The following CRACD variants were observed in gnomAD, a reference collection of about 807,000 sequenced individuals.
CRACD encodes capping protein-inhibiting regulator of actin dynamics.
CRACD carries 56 observed loss-of-function variants against 106.8 expected under a neutral mutation model. The observed-to-expected ratio is 0.52, with a 90% CI of 0.42 to 0.66. CRACD has a LOEUF of 0.66. Ranked by LOEUF, CRACD falls within the 30% of genes least tolerant of loss-of-function variation. CRACD has a pLI of 0.00. For synonymous variants in CRACD, 754 were observed against 670.8 expected (o/e 1.12, Z -1.92); for missense variants, 1,730 against 1,623.2 (o/e 1.07, Z -1.13).
chr4:56,180,004 G>A (rs1397896810), intron 2 of CRACD, among the ~76,000 whole-genome samples: 2 of 151,010 alleles, frequency 1.3e-5, no homozygotes, highest in Admixed American at 6.6e-5. Context: ...GCAATAGAGC[G>A]AGACTCTGTC....
At chr4:56,313,118 A>C in intron 6 of CRACD, 79 bp from the exon 7 acceptor site, 1 of 1,307,518 alleles carries the variant, frequency 7.6e-7, no homozygotes, top group South Asian at 1.3e-5. Context: ...CGCACACTGG[A>C]ACGAGTGCCA....
At chr4:56,199,200 G>A (rs749845168) in intron 2 of CRACD, among the ~76,000 whole-genome samples, 5 of 152,150 alleles carry the variant, frequency 3.3e-5, no homozygotes, top group Non-Finnish European at 5.9e-5. Context: ...ACTTAAATGA[G>A]ATGTTGCCCA....
intron 8 of CRACD, among the ~76,000 whole-genome samples, chr4:56,322,464 C>T (rs1006628579): frequency 1.3e-5 from 2 of 152,208 alleles, no homozygotes; most frequent in African/African-American, 4.8e-5. Context: ...ACAAGAAAAA[C>T]AGAGACGGAA....
At chr4:56,248,322 C>T (rs17086524) in intron 2 of CRACD, among the ~76,000 whole-genome samples, 13,958 of 152,126 alleles carry the variant, frequency 0.092, 1,721 homozygotes, top group East Asian at 0.55. Flanking sequence ...CCGCTCATAC[C>T]TGGAAGACTC....
chr4:56,096,875 A>G (rs957223897), intron 1 of CRACD, among the ~76,000 whole-genome samples: 1 of 152,226 alleles, frequency 6.6e-6, no homozygotes, highest in African/African-American at 2.4e-5. Context: ...GTAATGTGGA[A>G]CAGAGAAGTG....
chr4:56,306,737 A>G (rs1378615346), intron 4 of CRACD, among the ~76,000 whole-genome samples: 1 of 151,838 alleles, frequency 6.6e-6, no homozygotes, highest in African/African-American at 2.4e-5. Context: ...AATCTTCCGA[A>G]TTTCTACCCC....
intron 2 of CRACD, among the ~76,000 whole-genome samples, chr4:56,256,214 G>C (rs929885827): frequency 6.6e-6 from 1 of 152,162 alleles, no homozygotes; most frequent in African/African-American, 2.4e-5. Context: ...ATGGAGGTGG[G>C]TCTTTCCCAT....
intron 1 of CRACD, among the ~76,000 whole-genome samples, chr4:56,164,043 C>A (rs1736052707): frequency 6.6e-6 from 1 of 150,824 alleles, no homozygotes; most frequent in Non-Finnish European, 1.5e-5. Context: ...CAGTGCCTGA[C>A]CTTTGTATCT....
intron 1 of CRACD, among the ~76,000 whole-genome samples, chr4:56,086,058 G>A (rs1733209073): frequency 6.6e-6 from 1 of 152,132 alleles, no homozygotes; most frequent in African/African-American, 2.4e-5. Context: ...TCCTAGAGAA[G>A]CAAACAGATG....
intron 4 of CRACD, among the ~76,000 whole-genome samples, chr4:56,302,918 T>G (rs1465022291): frequency 6.6e-6 from 1 of 152,182 alleles, no homozygotes; most frequent in Non-Finnish European, 1.5e-5. Flanking sequence ...TTTGAATGAA[T>G]AAAATATAGT....
intron 1 of CRACD, among the ~76,000 whole-genome samples, chr4:56,081,142 G>A (rs762544354): frequency 6.6e-6 from 1 of 152,190 alleles, no homozygotes; most frequent in Non-Finnish European, 1.5e-5. Context: ...ATAGGCATGA[G>A]CCCCTGATCC....
intron 2 of CRACD, among the ~76,000 whole-genome samples, chr4:56,209,871 C>G (rs543554745): frequency 6.6e-6 from 1 of 152,162 alleles, no homozygotes; most frequent in Non-Finnish European, 1.5e-5. Flanking sequence ...CAGGTAGTCA[C>G]GCAGCATCCA....
intron 3 of CRACD, among the ~76,000 whole-genome samples, chr4:56,285,091 G>A (rs1337991345): frequency 2.0e-5 from 3 of 152,320 alleles, no homozygotes; most frequent in Non-Finnish European, 2.9e-5. Context: ...AAGCAAGCAT[G>A]TCTTACCATG....
intron 3 of CRACD, among the ~76,000 whole-genome samples, chr4:56,287,427 C>T (rs1048037023): frequency 1.2e-4 from 18 of 151,964 alleles, no homozygotes; most frequent in Non-Finnish European, 2.1e-4. Flanking sequence ...GGATTACAGG[C>T]GTGAACCACC....
chr4:56,190,878 C>T (rs1236301098), intron 2 of CRACD, among the ~76,000 whole-genome samples: 1 of 151,984 alleles, frequency 6.6e-6, no homozygotes, highest in Non-Finnish European at 1.5e-5. Context: ...TCCGTGAGGG[C>T]TATAAAAAAT....
At position 56,275,269 on chromosome 4, in the gene CRACD, C is replaced by T. The variant is rs75454933; in HGVS notation, c.-17+2777C>T. Among the ~76,000 whole-genome samples, 1,101 of 151,980 alleles carry T rather than the reference C, an allele frequency of 7.2e-3. 16 individuals carry two copies. The highest frequency in any genetic ancestry group is 0.025 in the African/African-American group (1,051 of 41,414). ...ACAAACCTTCACGTGTACCCCTGAA[C>T]GTAAAATAAAAGTTAAAAAAAAATT... On this transcript the variant is annotated intron_variant, in intron 3 of 10. Transcript: ENST00000682029.
intron 2 of CRACD, among the ~76,000 whole-genome samples, chr4:56,227,699 C>T (rs1388444649): frequency 6.6e-6 from 1 of 152,172 alleles, no homozygotes; most frequent in Non-Finnish European, 1.5e-5. Context: ...GGTATTCCAA[C>T]AAAACTCTAT....
intron 4 of CRACD, among the ~76,000 whole-genome samples, chr4:56,299,998 C>T (rs901750546): frequency 8.6e-5 from 13 of 151,702 alleles, no homozygotes; most frequent in Admixed American, 7.2e-4. Flanking sequence ...ATTAGCTGGG[C>T]GTGGTGGCAG....
chr4:56,327,857 TTTTA>T lies in CRACD; in HGVS notation c.*65_*68del, dbSNP rs1354728199. 1.5e-5 allele frequency: 22 copies of T among 1,472,144 alleles called. No individual in the cohort carries two copies. The highest frequency in any genetic ancestry group is 1.4e-4 in the East Asian group (6 of 43,746). 91.2% of individuals were successfully genotyped at this position (1,472,144 alleles called of 1,614,324 possible). On this transcript the variant is annotated 3_prime_UTR_variant, in exon 11 of 11. Coordinates refer to ENST00000682029, the MANE Select transcript of CRACD (RefSeq NM_001393381.1). ...CAGTTATTGGCTCCTCTCTTGCCCT[TTTTA>T]TTTATTTATTTTTTATATGGGGTAA...
Sources: allele counts gnomAD v4.1 joint callset (sites outside exome capture counted in the v4.1 genomes callset), GRCh38; gene constraint gnomAD v4.1.1; transcripts MANE v1.5; gene names NCBI Gene and HGNC (gene_info 2026-07-23, HGNC 2026-07-21).